The following ROR1 variants were observed in gnomAD, a reference collection of about 807,000 sequenced individuals.
ROR1 encodes inactive tyrosine-protein kinase transmembrane receptor ROR1.
In ROR1, 19 loss-of-function variants were observed where a neutral mutation model predicts 78.8. The ratio of observed to expected loss-of-function variants is 0.24; its 90% CI spans 0.17 to 0.35. ROR1 has a LOEUF of 0.35. ROR1 is among the 10% of genes least tolerant of loss of function. ROR1 has a pLI of 1.00. For missense variants in ROR1, 917 were observed against 1,177.8 expected (o/e 0.78, Z 3.24); for synonymous variants, 386 against 433.6 (o/e 0.89, Z 1.36).
intron 1 of ROR1, among the ~76,000 whole-genome samples, chr1:64,008,720 C>T (rs1432222766): frequency 2.6e-5 from 4 of 152,084 alleles, no homozygotes; most frequent in Admixed American, 6.5e-5. Context: ...CTGCAACCTC[C>T]GCCTCCCAGG....
At chr1:64,134,895 C>T (rs1420377764) in intron 4 of ROR1, among the ~76,000 whole-genome samples, 1 of 151,896 alleles carries the variant, frequency 6.6e-6, no homozygotes, top group African/African-American at 2.4e-5. Flanking sequence ...ATTACAGGCA[C>T]CTGCCACCAC....
chr1:63,824,882 A>G (rs560876322), intron 1 of ROR1, among the ~76,000 whole-genome samples: 2 of 152,196 alleles, frequency 1.3e-5, no homozygotes, highest in Non-Finnish European at 2.9e-5. Context: ...CTTTCTTTAC[A>G]AACACTGTTG....
intron 1 of ROR1, among the ~76,000 whole-genome samples, chr1:63,969,686 G>A (rs1646103635): frequency 6.6e-6 from 1 of 152,098 alleles, no homozygotes; most frequent in Non-Finnish European, 1.5e-5. Context: ...CATGTGTGAT[G>A]AACCGTCCAG....
chr1:63,877,862 T>G (rs1645297750), intron 1 of ROR1, among the ~76,000 whole-genome samples: 1 of 152,184 alleles, frequency 6.6e-6, no homozygotes. Context: ...AACTATCTGA[T>G]GAATTAGTAA....
intron 1 of ROR1, among the ~76,000 whole-genome samples, chr1:63,879,913 T>C (rs895638895): frequency 2.6e-5 from 4 of 152,118 alleles, no homozygotes; most frequent in Admixed American, 2.0e-4. Flanking sequence ...ATTATAGTAG[T>C]GGTTGGAGTA....
At chr1:64,037,904 C>T (rs1253445183) in intron 2 of ROR1, among the ~76,000 whole-genome samples, 2 of 152,014 alleles carry the variant, frequency 1.3e-5, no homozygotes, top group Admixed American at 1.3e-4. Flanking sequence ...TTCTGCCCTT[C>T]CTCTCCCCTC....
chr1:63,843,823 C>A, intron 1 of ROR1: 1 of 306,712 alleles, frequency 3.3e-6, no homozygotes, highest in South Asian at 3.1e-5. Flanking sequence ...AGGAAGATTG[C>A]AACAACTTTT....
At chr1:64,077,301 A>G (rs571012540) in intron 4 of ROR1, among the ~76,000 whole-genome samples, 4 of 152,366 alleles carry the variant, frequency 2.6e-5, no homozygotes, top group East Asian at 3.9e-4. Flanking sequence ...ACTTAAAACA[A>G]TGTTCAACTC....
intron 1 of ROR1, among the ~76,000 whole-genome samples, chr1:63,935,023 A>T (rs113948822): frequency 7.1e-6 from 1 of 140,250 alleles, no homozygotes. Flanking sequence ...ATTTGGGAGA[A>T]TTTTTTTTTT....
chr1:63,782,543 G>GTT (rs1218525000), intron 1 of ROR1, among the ~76,000 whole-genome samples: 1 of 138,662 alleles, frequency 7.2e-6, no homozygotes, highest in African/African-American at 3.1e-5. Context: ...GAGATTTTGA[G>GTT]GTTTTTTTTT....
At position 64,065,087 on chromosome 1, in the gene ROR1, T is replaced by C. The variant is rs1258856038; in HGVS notation, c.482+14371T>C. On this transcript the variant is annotated intron_variant, in intron 4 of 8. Transcript: ENST00000371079. ...TTTTGAAGGCTGAAAATGGAGACAG[T>C]AAACTTCTAGATATTTGCTTCCTGG... Among the ~76,000 whole-genome samples, 2 of 152,182 alleles carry C rather than the reference T, an allele frequency of 1.3e-5. 1 individual carries two copies. Among genetic ancestry groups the C allele is most frequent in the Non-Finnish European group, 2.9e-5 (2 of 68,032 alleles).
rs374351849 is a variant in ROR1, at chr1:64,079,771, C to T, written c.482+29055C>T. On this transcript the variant is annotated intron_variant, in intron 4 of 8. Coordinates refer to ENST00000371079, the MANE Select transcript of ROR1 (RefSeq NM_005012.4). ...TGCTGGGATTATAAGCATGAGCCAC[C>T]GTATCTGGCCTTGATTGGAATTTTC... is the stretch of plus-strand genomic sequence containing the variant. Among the ~76,000 whole-genome samples, 134 of 152,190 alleles carry T rather than the reference C, an allele frequency of 8.8e-4. 1 individual carries two copies. The highest frequency in any genetic ancestry group is 3.2e-3 in the African/African-American group (132 of 41,518).
chr1:64,045,359 T>C (rs1646775747), intron 2 of ROR1, among the ~76,000 whole-genome samples: 1 of 152,166 alleles, frequency 6.6e-6, no homozygotes, highest in African/African-American at 2.4e-5. Context: ...TTTCTCACTA[T>C]TTTTGGTATA....
chr1:63,934,166 G>A (rs1261510269), intron 1 of ROR1, among the ~76,000 whole-genome samples: 4 of 152,136 alleles, frequency 2.6e-5, no homozygotes, highest in Non-Finnish European at 4.4e-5. Context: ...TGATAAGAAC[G>A]AGGTCAAGAT....
At chr1:63,791,378 G>GA (rs1269001561) in intron 1 of ROR1, among the ~76,000 whole-genome samples, 5 of 152,016 alleles carry the variant, frequency 3.3e-5, no homozygotes, top group African/African-American at 4.8e-5. Flanking sequence ...AAATATGTCT[G>GA]GGAGGCACTA....
intron 8 of ROR1, among the ~76,000 whole-genome samples, chr1:64,163,885 A>G (rs979301475): frequency 6.6e-6 from 1 of 152,038 alleles, no homozygotes; most frequent in Non-Finnish European, 1.5e-5. Flanking sequence ...CCTTAAAGCT[A>G]TTGTCTCCCA....
intron 2 of ROR1, among the ~76,000 whole-genome samples, chr1:64,038,705 A>G (rs571959067): frequency 7.2e-5 from 11 of 152,290 alleles, no homozygotes; most frequent in African/African-American, 2.6e-4. Flanking sequence ...TGTAGCCAGG[A>G]TGAGTGATCT....
In ROR1 at chr1:64,154,276, G is replaced by A. The variant is rs1019483001; in HGVS notation, c.1175-4705G>A. 7.2e-5 allele frequency among the ~76,000 whole-genome samples: 11 copies of A among 152,220 alleles called. 1 individual carries two copies. In the South Asian group the frequency reaches 2.1e-3, roughly 29 times the overall value. ...TCTCTCTCTCGCCTTCCAGGCATAT[G>A]CCTAAATCACTGGTGCAGGCCCCTA... On this transcript the variant is annotated intron_variant, in intron 7 of 8. Coordinates refer to ENST00000371079, the MANE Select transcript of ROR1 (RefSeq NM_005012.4).
chr1:63,928,702 G>A (rs949899445), intron 1 of ROR1, among the ~76,000 whole-genome samples: 44 of 152,168 alleles, frequency 2.9e-4, no homozygotes, highest in African/African-American at 9.9e-4. Flanking sequence ...CACAAGACTA[G>A]CTTCCCTGTT....
Sources: allele counts gnomAD v4.1 joint callset (sites outside exome capture counted in the v4.1 genomes callset), GRCh38; gene constraint gnomAD v4.1.1; transcripts MANE v1.5; gene names NCBI Gene and HGNC (gene_info 2026-07-23, HGNC 2026-07-21).